CITED2: variants seen among roughly 807,000 people sequenced by gnomAD.
The protein encoded by CITED2 is cbp/p300-interacting transactivator 2.
In CITED2, 2 loss-of-function variants were observed where a neutral mutation model predicts 11.8. That is an observed-to-expected ratio of 0.17 (90% CI 0.07 to 0.54). The LOEUF (loss-of-function observed/expected upper bound fraction) is 0.54. Ranked by LOEUF, CITED2 falls within the 20% of genes least tolerant of loss-of-function variation. The pLI is 0.94. For missense variants in CITED2, 437 were observed against 390.2 expected (o/e 1.12, Z -1.01); for synonymous variants, 210 against 153.0 (o/e 1.37, Z -2.75).
At chr6:139,374,191 G>GA (rs1404246644) in intron 1 of CITED2, 1 of 1,440,028 alleles carries the variant, frequency 6.9e-7, no homozygotes, top group Non-Finnish European at 9.1e-7. Context: ...CGGGCGGGGG[G>GA]ACCCGAGCCC....
intron 1 of CITED2, 185 bp from the exon 2 acceptor site, chr6:139,374,137 A>G (rs1444081106): frequency 9.5e-6 from 14 of 1,477,270 alleles, no homozygotes; most frequent in South Asian, 5.3e-5. Flanking sequence ...GCTACCACTC[A>G]TAACACAGCC....
chr6:139,373,423 G>A lies in CITED2; in HGVS notation c.522C>T (p.Ser174=). 2 of 1,526,684 alleles carry A rather than the reference G, an allele frequency of 1.3e-6. No homozygotes were observed. Among genetic ancestry groups the A allele is most frequent in the Non-Finnish European group, 8.8e-7 (1 of 1,142,546 alleles). The allele number at this position is 1,526,684 out of a possible 1,614,324, so 94.6% of individuals were successfully genotyped here. The part of the protein sequence containing the change: ...SSTPGGSGGS[S]TPGGSGSSSG... ...AGCTGCTGCCAGAGCCGCCGGGGGT[G>A]CTGCTGCCGCCCGAGCCGCCGGGGG... is the stretch of plus-strand genomic sequence containing the variant. The change falls in exon 2 of 2, where the codon AGC becomes AGT. Residue 174 remains serine, a synonymous_variant. Coordinates refer to ENST00000367651, the MANE Select transcript of CITED2 (RefSeq NM_006079.5).
intron 1 of CITED2, 155 bp from the exon 2 acceptor site, chr6:139,374,107 G>A (rs1380827376): frequency 3.3e-6 from 5 of 1,500,918 alleles, no homozygotes; most frequent in East Asian, 5.0e-5. Context: ...CTGTGCACCC[G>A]GGCTAGCCAC....
chr6:139,373,612 C>T lies in CITED2; in HGVS notation c.333G>A (p.Pro111=). Residue 111 remains proline (P), a synonymous_variant, in exon 2 of 2, where the codon CCG becomes CCA. Coordinates refer to ENST00000367651, the MANE Select transcript of CITED2 (RefSeq NM_006079.5). The part of the protein sequence containing the change: ...PPVASQGGSL[P]ASMQLQKLNN... ...TGAGCTTCTGCAGCTGCATGCTGGC[C>T]GGCAGGGAGCCTCCCTGGCTGGCCA... The T allele has an allele frequency of 6.2e-7, 1 of 1,613,980 alleles. No individual in the cohort carries two copies. The highest frequency in any genetic ancestry group is 1.1e-5 in the South Asian group (1 of 91,072).
Position 139,372,573 on chromosome 6 carries a change from G to T in CITED2, c.*559C>A, listed in dbSNP as rs1778268883. 6.0e-6 allele frequency: 1 copy of T among 167,940 alleles called. No homozygotes were observed. Among genetic ancestry groups the T allele is most frequent in the Admixed American group, 5.9e-5 (1 of 17,088 alleles). 10.4% of individuals were successfully genotyped at this position (167,940 alleles called of 1,614,324 possible). On this transcript the variant is annotated 3_prime_UTR_variant, in exon 2 of 2. Transcript: ENST00000367651. ...TGAACAGTATGACTTTCCTGATCCA[G>T]AACAGTTTGGCCCACATCTGTTTAA...
chr6:139,374,138 T>C, intron 1 of CITED2, 186 bp from the exon 2 acceptor site: 2 of 1,476,782 alleles, frequency 1.4e-6, no homozygotes, highest in South Asian at 2.7e-5. Flanking sequence ...CTACCACTCA[T>C]AACACAGCCG....
In CITED2 at chr6:139,374,456, C is replaced by G. The variant is rs1804687; in HGVS notation, c.-52G>C. 0.025 allele frequency: 8,786 copies of G among 352,648 alleles called. 164 individuals are homozygous for G. Among genetic ancestry groups the G allele is most frequent in the South Asian group, 0.042 (559 of 13,438 alleles). The allele number at this position is 352,648 out of a possible 1,614,324, so 21.8% of individuals were successfully genotyped here. A position where few individuals can be genotyped will look rare whatever the true frequency, so the allele number is the denominator to read the frequency against. ...CTGCTCCGAAGACCGAGGGCGGGCT[C>G]GTCGCGTCCAGGACCGGCTCAGCAG... On this transcript the variant is annotated 5_prime_UTR_variant, in exon 1 of 2. Coordinates refer to ENST00000367651, the MANE Select transcript of CITED2 (RefSeq NM_006079.5).
intron 1 of CITED2, 170 bp downstream of exon 1, chr6:139,374,242 GC>G (rs1054261788): frequency 1.5e-6 from 2 of 1,378,944 alleles, no homozygotes; most frequent in Non-Finnish European, 1.9e-6. Flanking sequence ...TAAAGGAAGT[GC>G]CCCGTAGCCC....
In CITED2 at chr6:139,373,365, C is replaced by T. The variant is rs200802111; in HGVS notation, c.580G>A (p.Gly194Ser). 3.7e-5 allele frequency: 58 copies of T among 1,583,402 alleles called. No homozygotes were observed. The highest frequency in any genetic ancestry group is 4.9e-5 in the Non-Finnish European group (57 of 1,163,204). The change falls in exon 2 of 2, where the codon GGC becomes AGC. Residue 194 changes from glycine to serine, a missense_variant. By Grantham distance (56) the Gly-to-Ser change is moderately conservative (BLOSUM62 0). Around this residue, in one of 3 missense-constraint regions of CITED2, gnomAD observed 396 missense variants for 325.2 expected, o/e 1.22. Transcript: ENST00000367651. The part of the protein sequence containing the change: ...GGGAGSSNSG[G>S]GSGSGNMPAS... ...GGCATGTTGCCGCTGCCGCTGCCGC[C>T]GCCGCTGTTGCTGCTGCCCGCGCCG...
chr6:139,373,739 A>T lies in CITED2; in HGVS notation c.206T>A (p.Ile69Asn). ...GAGNMNATSG[I>N]RHAMGPGTVN... is the part of the protein sequence containing the mutation. The stretch of plus-strand genomic sequence containing the variant: ...AGTCCCCGGCCCCATCGCATGCCTG[A>T]TGCCGCTCGTGGCATTCATGTTGCC... Residue 69 changes from isoleucine (I) to asparagine (N), a missense_variant, in exon 2 of 2, where the codon ATC becomes AAC. By Grantham distance (149) the Ile-to-Asn change is moderately radical. Transcript: ENST00000367651. 6.2e-7 allele frequency: 1 copy of T among 1,609,702 alleles called. No homozygotes were observed.
rs1340432868 is a variant in CITED2 at position 139,372,259 on chromosome 6, TTTC to T, written c.*870_*872del. 2.0e-5 allele frequency: 3 copies of T among 152,648 alleles called. No homozygotes were observed. The highest frequency in any genetic ancestry group is 2.9e-5 in the Non-Finnish European group (2 of 68,046). The allele number at this position is 152,648 out of a possible 1,614,324, so 9.5% of individuals were successfully genotyped here. A position where few individuals can be genotyped will look rare whatever the true frequency, so the allele number is the denominator to read the frequency against. ...CAAATGACTTCTAGAAAACAAGTTA[TTTC>T]TTAACTTTTTATTGACATTGGCAAA... On this transcript the variant is annotated 3_prime_UTR_variant, in exon 2 of 2. Transcript: ENST00000367651.
chr6:139,373,697 G>A lies in CITED2; in HGVS notation c.248C>T (p.Pro83Leu). The part of the protein sequence containing the change: ...MGPGTVNGGH[P>L]PSALAPAARF... ...GGCCGCGGGGGCCAGCGCGCTCGGGGGGTGCCCTCCGTTCACAGTCCCCGG... is the reference window on the plus strand; with the variant it reads ...GGCCGCGGGGGCCAGCGCGCTCGGGAGGTGCCCTCCGTTCACAGTCCCCGG... Residue 83 changes from proline (P) to leucine (L), a missense_variant, in exon 2 of 2, where the codon CCC becomes CTC. Around this residue, in one of 3 missense-constraint regions of CITED2, gnomAD observed 396 missense variants for 325.2 expected, o/e 1.22. Transcript: ENST00000367651. The A allele has an allele frequency of 6.2e-7, 1 of 1,610,978 alleles. No homozygotes were observed. Among genetic ancestry groups the A allele is most frequent in the Non-Finnish European group, 8.5e-7 (1 of 1,179,740 alleles).
intron 1 of CITED2, 61 bp downstream of exon 1, chr6:139,374,352 A>C (rs1583068511): frequency 5.2e-6 from 3 of 573,884 alleles, no homozygotes; most frequent in South Asian, 6.5e-5. Context: ...CTCCGGGCAA[A>C]CCCTGCCCTC....
Position 139,373,939 on chromosome 6 carries a change from T to C in CITED2, c.6A>G (p.Ala2=), listed in dbSNP as rs753788947. The change falls in exon 2 of 2, where the codon GCA becomes GCG. Residue 2 remains alanine (A), a synonymous_variant. Coordinates refer to ENST00000367651, the MANE Select transcript of CITED2 (RefSeq NM_006079.5). M[A]DHMMAMNHGR... ...CGTGGTTCATGGCCATCATATGGTC[T>C]GCCATTTCCAGTCCTGGAAGTGAAA... is the stretch of plus-strand genomic sequence containing the variant. The C allele has an allele frequency of 6.3e-7, 1 of 1,598,638 alleles. No individual in the cohort carries two copies. Among genetic ancestry groups the C allele is most frequent in the Non-Finnish European group, 8.5e-7 (1 of 1,179,786 alleles).
chr6:139,373,520 G>C lies in CITED2; in HGVS notation c.425C>G (p.Ala142Gly). The C allele has an allele frequency of 6.2e-7, 1 of 1,613,846 alleles. No individual in the cohort carries two copies. Among genetic ancestry groups the C allele is most frequent in the South Asian group, 1.1e-5 (1 of 91,060 alleles). The stretch of plus-strand genomic sequence containing the variant: ...GTTTGTCCCGTTCATCTGGTGGCCT[G>C]CAGCAGGGTGCAAATCCGGCATGTA... Reference protein sequence around the residue: ...NHYMPDLHPAAGHQMNGTNQH... With the variant: ...NHYMPDLHPAGGHQMNGTNQH... Residue 142 changes from alanine to glycine, a missense_variant, in exon 2 of 2, where the codon GCA becomes GGA. Around this residue, in one of 3 missense-constraint regions of CITED2, gnomAD observed 396 missense variants for 325.2 expected, o/e 1.22. Transcript: ENST00000367651.
Position 139,373,850 on chromosome 6 carries a change from T to G in CITED2, c.95A>C (p.Gln32Pro). 6.2e-7 allele frequency: 1 copy of G among 1,604,906 alleles called. No individual in the cohort carries two copies. The highest frequency in any genetic ancestry group is 1.1e-5 in the South Asian group (1 of 91,074). The change falls in exon 2 of 2, where the codon CAG becomes CCG. Residue 32 changes from glutamine (Q) to proline (P), a missense_variant. Gln to Pro is a moderately conservative substitution (Grantham distance 76). Around this residue, in one of 3 missense-constraint regions of CITED2, gnomAD observed 396 missense variants for 325.2 expected, o/e 1.22. Transcript: ENST00000367651. Reference sequence around the variant, plus strand: ...CTGGTGGTGATGGGGGCTCGGGAACTGCCCCATGCCCATGCGGTGGGCAGG... The same window carrying G: ...CTGGTGGTGATGGGGGCTCGGGAACGGCCCCATGCCCATGCGGTGGGCAGG... The part of the protein sequence containing the change: ...HHPAHRMGMG[Q>P]FPSPHHHQQQ...
rs1385718044 is a variant in CITED2 at position 139,373,561 on chromosome 6, G to A, written c.384C>T (p.Pro128=). The A allele has an allele frequency of 3.1e-6, 5 of 1,614,130 alleles. No homozygotes were observed. The highest frequency in any genetic ancestry group is 2.2e-5 in the South Asian group (2 of 91,080). Residue 128 remains proline (P), a synonymous_variant, in exon 2 of 2, where the codon CCC becomes CCT. Coordinates refer to ENST00000367651, the MANE Select transcript of CITED2 (RefSeq NM_006079.5). The part of the protein sequence containing the change: ...KLNNQYFNHH[P]YPHNHYMPDL... ...CCGGCATGTAGTGGTTGTGGGGGTA[G>A]GGGTGATGGTTGAAATACTGGTTGT...
rs765051344 is a variant in CITED2, at chr6:139,373,672, G to A, written c.273C>T (p.Ala91=). 1.2e-6 allele frequency: 2 copies of A among 1,612,448 alleles called. No individual in the cohort carries two copies. The highest frequency in any genetic ancestry group is 1.7e-6 in the Non-Finnish European group (2 of 1,179,712). The change falls in exon 2 of 2, where the codon GCC becomes GCT. Residue 91 remains alanine, a synonymous_variant. Transcript: ENST00000367651. ...GHPPSALAPA[A]RFNNSQFMGP... Reference sequence around the variant, plus strand: ...CCATGAACTGGGAGTTGTTAAACCTGGCCGCGGGGGCCAGCGCGCTCGGGG... The same window carrying A: ...CCATGAACTGGGAGTTGTTAAACCTAGCCGCGGGGGCCAGCGCGCTCGGGG...
At position 139,372,950 on chromosome 6, in the gene CITED2, AAAAAAAAGTGGCAGCAATTTTTTTT is replaced by A; in HGVS notation, c.*157_*181del. On this transcript the variant is annotated 3_prime_UTR_variant, in exon 2 of 2. Coordinates refer to ENST00000367651, the MANE Select transcript of CITED2 (RefSeq NM_006079.5). Reference sequence around the variant, plus strand: ...GCTACAAAAACGAAACAAAAACAGGAAAAAAAAGTGGCAGCAATTTTTTTTAAAACCAATTTGTACAAGTTTATAG... The same window carrying A: ...GCTACAAAAACGAAACAAAAACAGGAAAAACCAATTTGTACAAGTTTATAG... 1 of 657,198 alleles carries A rather than the reference AAAAAAAAGTGGCAGCAATTTTTTTT, an allele frequency of 1.5e-6. No homozygotes were observed. The highest frequency in any genetic ancestry group is 2.8e-5 in the East Asian group (1 of 36,242). The allele number at this position is 657,198 out of a possible 1,614,324, so 40.7% of individuals were successfully genotyped here. A position where few individuals can be genotyped will look rare whatever the true frequency, so the allele number is the denominator to read the frequency against.
Sources: allele counts gnomAD v4.1 joint callset, GRCh38; gene constraint gnomAD v4.1.1; regional missense constraint gnomAD v4.1.1; transcripts MANE v1.5; gene names NCBI Gene and HGNC (gene_info 2026-07-23, HGNC 2026-07-21).